The following CNTN2 variants were observed in gnomAD, a reference collection of about 807,000 sequenced individuals.
CNTN2 encodes contactin 2, also known as contactin-2.
A neutral mutation model predicts 117.5 loss-of-function variants in CNTN2; 53 were observed. The observed-to-expected ratio is 0.45, with a 90% CI of 0.36 to 0.57. The LOEUF is 0.57. Ranked by LOEUF, CNTN2 falls within the 20% of genes least tolerant of loss-of-function variation. The pLI, the probability that CNTN2 is intolerant of heterozygous loss-of-function variation, is 0.00. For missense variants in CNTN2, 1,106 were observed against 1,404.3 expected (o/e 0.79, Z 3.39); for synonymous variants, 530 against 561.7 (o/e 0.94, Z 0.80).
At chr1:205,067,440 C>A in intron 16 of CNTN2, 190 bp downstream of exon 16, 1 of 519,212 alleles carries the variant, frequency 1.9e-6, no homozygotes, top group Non-Finnish European at 3.2e-6. Context: ...ACCATCTAGT[C>A]CAAACTCCTC....
At chr1:205,050,815 C>T (rs1051148426) in intron 1 of CNTN2, among the ~76,000 whole-genome samples, 1 of 152,182 alleles carries the variant, frequency 6.6e-6, no homozygotes, top group Non-Finnish European at 1.5e-5. Context: ...GATGGGGTTT[C>T]ACCATGTTGG....
intron 1 of CNTN2, among the ~76,000 whole-genome samples, chr1:205,045,934 C>T (rs973983456): frequency 2.6e-5 from 4 of 152,188 alleles, no homozygotes; most frequent in African/African-American, 9.7e-5. Flanking sequence ...CTTCCAACTT[C>T]TAGTAATCCT....
At chr1:205,044,795 G>C (rs970775466) in intron 1 of CNTN2, among the ~76,000 whole-genome samples, 1 of 152,172 alleles carries the variant, frequency 6.6e-6, no homozygotes, top group African/African-American at 2.4e-5. Flanking sequence ...GATCGCACCT[G>C]GACAGGGAGA....
Position 205,050,278 on chromosome 1 carries a change from A to AGTGTGTGTGTGTGT in CNTN2, c.-86-2796_-86-2783dup, listed in dbSNP as rs3073631. ...ATACGCTGCTGACCCTAGAGCTCTGAGTGTGTGTGTGTGTGTGTGTGTGTG... is the reference window on the plus strand; with the variant it reads ...ATACGCTGCTGACCCTAGAGCTCTGAGTGTGTGTGTGTGTGTGTGTGTGTGTGTGTGTGTGTGTG... On this transcript the variant is annotated intron_variant, in intron 1 of 22. Coordinates refer to ENST00000331830, the MANE Select transcript of CNTN2 (RefSeq NM_005076.5). Among the ~76,000 whole-genome samples the AGTGTGTGTGTGTGT allele has an allele frequency of 5.5e-5, 8 of 145,494 alleles. No individual in the cohort carries two copies. The South Asian group carries it at 7.0e-4, about 13-fold the overall frequency.
chr1:205,047,764 G>A lies in CNTN2; in HGVS notation c.-87+4370G>A, dbSNP rs185580908. 1.1e-4 allele frequency among the ~76,000 whole-genome samples: 16 copies of A among 152,198 alleles called. No homozygotes were observed. In the South Asian group the frequency reaches 1.7e-3, roughly 16 times the overall value. On this transcript the variant is annotated intron_variant, in intron 1 of 22. Coordinates refer to ENST00000331830, the MANE Select transcript of CNTN2 (RefSeq NM_005076.5). Reference sequence around the variant, plus strand: ...TAAGCCAGACAGGCACAGTGGCTGCGGACACACGGCTGTGAGATTTCTCAG... The same window carrying A: ...TAAGCCAGACAGGCACAGTGGCTGCAGACACACGGCTGTGAGATTTCTCAG...
chr1:205,043,218 A>ACGCGCCCTCACC lies in CNTN2; in HGVS notation c.-259_-248dup, dbSNP rs2096434955. On this transcript the variant is annotated 5_prime_UTR_variant, in exon 1 of 23. Coordinates refer to ENST00000331830, the MANE Select transcript of CNTN2 (RefSeq NM_005076.5). Reference sequence around the variant, plus strand: ...AGTGGCTCCGGGCGCGCTCACACACACGCGCCCTCACCCGCCACCGCCGCC... The same window carrying ACGCGCCCTCACC: ...AGTGGCTCCGGGCGCGCTCACACACACGCGCCCTCACCCGCGCCCTCACCCGCCACCGCCGCC... 6.5e-6 allele frequency: 1 copy of ACGCGCCCTCACC among 152,728 alleles called. No homozygotes were observed. The highest frequency in any genetic ancestry group is 6.5e-5 in the Admixed American group (1 of 15,276). 9.5% of individuals were successfully genotyped at this position (152,728 alleles called of 1,614,324 possible).
rs1445953898 is a variant in CNTN2 at position 205,074,137 on chromosome 1, G to C, written c.*372G>C. The C allele has an allele frequency of 3.9e-6, 2 of 510,438 alleles. No individual in the cohort carries two copies. The highest frequency in any genetic ancestry group is 1.9e-5 in the African/African-American group (1 of 53,016). The allele number at this position is 510,438 out of a possible 1,614,324, so 31.6% of individuals were successfully genotyped here. A position where few individuals can be genotyped will look rare whatever the true frequency, so the allele number is the denominator to read the frequency against. ...ACCCTATACGGACTCCGCCACTTGA[G>C]AGCAGTCCTAGGCCCGGCAGGAACA... is the stretch of plus-strand genomic sequence containing the variant. On this transcript the variant is annotated 3_prime_UTR_variant, in exon 23 of 23. Transcript: ENST00000331830.
rs970228773 is a variant in CNTN2 at position 205,061,938 on chromosome 1, A to C, written c.1047A>C (p.Ala349=). The C allele has an allele frequency of 6.8e-6, 11 of 1,609,122 alleles. No homozygotes were observed. Among genetic ancestry groups the C allele is most frequent in the Non-Finnish European group, 8.5e-6 (10 of 1,177,838 alleles). ...GCTCCAACCTGCGTTGGGGCTGTGC[A>C]GCCGCCGGCAAGCCCCGGCCTACAG... ...DIGSNLRWGC[A]AAGKPRPTVR... The change falls in exon 9 of 23, where the codon GCA becomes GCC. Residue 349 remains alanine (A), a synonymous_variant. Transcript: ENST00000331830. This position sits in a 1 kb window ranked among gnomAD's most constrained non-coding sequence, Gnocchi z 4.8.
At position 205,058,396 on chromosome 1, in the gene CNTN2, G is replaced by A; in HGVS notation, c.391+40G>A. The A allele has an allele frequency of 6.5e-7, 1 of 1,534,000 alleles. No homozygotes were observed. The highest frequency in any genetic ancestry group is 8.8e-7 in the Non-Finnish European group (1 of 1,137,124). ...GGACCAAGACACTTTGGGGGAGGGG[G>A]AGAGGGGGCTAGGAGAAATTACTGA... On this transcript the variant is annotated intron_variant, in intron 4 of 22. Coordinates refer to ENST00000331830, the MANE Select transcript of CNTN2 (RefSeq NM_005076.5). The surrounding 1 kb of genome is among the most constrained non-coding windows in gnomAD (Gnocchi z 4.3).
chr1:205,064,967 G>A, intron 12 of CNTN2, 120 bp from the exon 13 acceptor site: 1 of 1,268,254 alleles, frequency 7.9e-7, no homozygotes, highest in South Asian at 1.4e-5. Flanking sequence ...TGGGACCTGT[G>A]GGTCACACCA....
In CNTN2 at chr1:205,061,379, C is replaced by A. The variant is rs755509373; in HGVS notation, c.932C>A (p.Ser311Tyr). The A allele has an allele frequency of 1.2e-6, 2 of 1,613,610 alleles. No individual in the cohort carries two copies. Among genetic ancestry groups the A allele is most frequent in the African/African-American group, 1.3e-5 (1 of 75,052 alleles). The change falls in exon 8 of 23, where the codon TCC (serine) becomes TAC (tyrosine). Residue 311 changes from serine to tyrosine, a missense_variant. Transcript: ENST00000331830. The surrounding 1 kb of genome is among the most constrained non-coding windows in gnomAD (Gnocchi z 4.8). The stretch of plus-strand genomic sequence containing the variant: ...ACCTACGAGTGTGAGGCGGAGAACT[C>A]CAAGGGCCGAGACACCGTGCAGGGC... ...EGTYECEAEN[S>Y]KGRDTVQGRI...
In CNTN2 at chr1:205,071,851, C is replaced by T. The variant is rs1023142236; in HGVS notation, c.2545-96C>T. On this transcript the variant is annotated intron_variant, in intron 19 of 22. Coordinates refer to ENST00000331830, the MANE Select transcript of CNTN2 (RefSeq NM_005076.5). ...GAGGCCTAAGACTGGGTCACAGGGA[C>T]CAGGATGAGCAAGAGAGGAACAGAA... is the stretch of plus-strand genomic sequence containing the variant. 4.1e-6 allele frequency: 5 copies of T among 1,215,962 alleles called. No homozygotes were observed. The African/African-American group carries it at 7.7e-5, about 19-fold the overall frequency. The allele number at this position is 1,215,962 out of a possible 1,614,324, so 75.3% of individuals were successfully genotyped here.
chr1:205,065,022 C>T lies in CNTN2; in HGVS notation c.1520-65C>T, dbSNP rs1654202117. 3 of 1,553,016 alleles carry T rather than the reference C, an allele frequency of 1.9e-6. No individual in the cohort carries two copies. The highest frequency in any genetic ancestry group is 4.5e-5 in the East Asian group (2 of 44,556). Reference sequence around the variant, plus strand: ...CTTAGGACAGAGCCTCTCAGCCTGCCCTGCGGACCCGGCCTGGGCCCATTT... The same window carrying T: ...CTTAGGACAGAGCCTCTCAGCCTGCTCTGCGGACCCGGCCTGGGCCCATTT... On this transcript the variant is annotated intron_variant, in intron 12 of 22. Coordinates refer to ENST00000331830, the MANE Select transcript of CNTN2 (RefSeq NM_005076.5). The surrounding 1 kb of genome is among the most constrained non-coding windows in gnomAD (Gnocchi z 4.1).
In CNTN2 at chr1:205,057,995, C is replaced by T; in HGVS notation, c.145C>T (p.Pro49Ser). The T allele has an allele frequency of 6.2e-7, 1 of 1,614,164 alleles. No individual in the cohort carries two copies. Among genetic ancestry groups the T allele is most frequent in the Non-Finnish European group, 8.5e-7 (1 of 1,180,036 alleles). Residue 49 changes from proline to serine, a missense_variant, in exon 3 of 23, where the codon CCA becomes TCA. Physicochemically the swap from Pro to Ser is moderately conservative, Grantham distance 74. Coordinates refer to ENST00000331830, the MANE Select transcript of CNTN2 (RefSeq NM_005076.5). ...AGACCAGCCCCTCAGTGTGCTATTCCCAGAGGAGTCCACGGAGGAGCAGGT... is the reference window on the plus strand; with the variant it reads ...AGACCAGCCCCTCAGTGTGCTATTCTCAGAGGAGTCCACGGAGGAGCAGGT... The part of the protein sequence containing the change: ...FEDQPLSVLF[P>S]EESTEEQVLL...
chr1:205,059,411 C>A lies in CNTN2; in HGVS notation c.697+118C>A. 3.3e-6 allele frequency: 4 copies of A among 1,213,656 alleles called. No individual in the cohort carries two copies. In the Admixed American group the frequency reaches 8.1e-5, roughly 25 times the overall value. The allele number at this position is 1,213,656 out of a possible 1,614,324, so 75.2% of individuals were successfully genotyped here. A position where few individuals can be genotyped will look rare whatever the true frequency, so the allele number is the denominator to read the frequency against. ...GCTTGCAGGGCACTGATTCCAGGCC[C>A]TGGACCCCCAGATCCTCCTGCTTCA... On this transcript the variant is annotated intron_variant, in intron 6 of 22. Transcript: ENST00000331830. The surrounding 1 kb of genome is among the most constrained non-coding windows in gnomAD (Gnocchi z 5.6).
Position 205,059,222 on chromosome 1 carries a change from C to G in CNTN2, c.626C>G (p.Ala209Gly). The G allele has an allele frequency of 6.2e-7, 1 of 1,614,222 alleles. No homozygotes were observed. The highest frequency in any genetic ancestry group is 8.5e-7 in the Non-Finnish European group (1 of 1,180,040). Residue 209 changes from alanine (A) to glycine (G), a missense_variant, in exon 6 of 23, where the codon GCC becomes GGC. Physicochemically the swap from Ala to Gly is moderately conservative, Grantham distance 60. Coordinates refer to ENST00000331830, the MANE Select transcript of CNTN2 (RefSeq NM_005076.5). The surrounding 1 kb of genome is among the most constrained non-coding windows in gnomAD (Gnocchi z 5.6). ...ASDLGNYSCL[A>G]TSHMDFSTKS... is the part of the protein sequence containing the mutation. The stretch of plus-strand genomic sequence containing the variant: ...GACCTGGGCAACTACTCCTGTTTGG[C>G]CACCAGCCACATGGACTTCTCCACC...
At position 205,059,421 on chromosome 1, in the gene CNTN2, A is replaced by C; in HGVS notation, c.697+128A>C. On this transcript the variant is annotated intron_variant, in intron 6 of 22. Coordinates refer to ENST00000331830, the MANE Select transcript of CNTN2 (RefSeq NM_005076.5). This position sits in a 1 kb window ranked among gnomAD's most constrained non-coding sequence, Gnocchi z 5.6. The stretch of plus-strand genomic sequence containing the variant: ...CACTGATTCCAGGCCCTGGACCCCC[A>C]GATCCTCCTGCTTCAAATCCTGAGG... The C allele has an allele frequency of 8.6e-7, 1 of 1,162,460 alleles. No individual in the cohort carries two copies. The highest frequency in any genetic ancestry group is 1.2e-6 in the Non-Finnish European group (1 of 803,474). The allele number at this position is 1,162,460 out of a possible 1,614,324, so 72.0% of individuals were successfully genotyped here.
chr1:205,069,910 C>A lies in CNTN2; in HGVS notation c.2280C>A (p.Thr760=). ...FRRQGSTHWQ[T]ARVPGADAQY... ...GGCAGGGCAGCACTCACTGGCAGAC[C>A]GCCCGGGTGCCTGGCGCCGATGCCC... is the stretch of plus-strand genomic sequence containing the variant. Residue 760 remains threonine, a synonymous_variant, in exon 18 of 23, where the codon ACC becomes ACA. Transcript: ENST00000331830. 1 of 1,613,846 alleles carries A rather than the reference C, an allele frequency of 6.2e-7. No individual in the cohort carries two copies. The highest frequency in any genetic ancestry group is 8.5e-7 in the Non-Finnish European group (1 of 1,180,016).
rs1371067714 is a variant in CNTN2 at position 205,048,802 on chromosome 1, G to A, written c.-86-4298G>A. Among the ~76,000 whole-genome samples, 1 of 152,154 alleles carries A rather than the reference G, an allele frequency of 6.6e-6. No homozygotes were observed. The highest frequency in any genetic ancestry group is 2.4e-5 in the African/African-American group (1 of 41,432). On this transcript the variant is annotated intron_variant, in intron 1 of 22. Transcript: ENST00000331830. The surrounding 1 kb of genome is among the most constrained non-coding windows in gnomAD (Gnocchi z 4.1). ...TCCCCTGTGCTTAGCACAATGCCTG[G>A]CACATGGTCAATAAACACTGTGATG...
Sources: allele counts gnomAD v4.1 joint callset (sites outside exome capture counted in the v4.1 genomes callset), GRCh38; gene constraint gnomAD v4.1.1; non-coding constraint Gnocchi (gnomAD v3.1); transcripts MANE v1.5; gene names NCBI Gene and HGNC (gene_info 2026-07-23, HGNC 2026-07-21).